Variants in RFX7 observed in about 807,000 individuals in gnomAD.
RFX7 encodes DNA-binding protein RFX7.
Under a neutral mutation model 111.8 loss-of-function variants are expected in RFX7, and 26 were observed. The observed-to-expected ratio is 0.23, with a 90% CI of 0.17 to 0.32. The LOEUF is 0.32. RFX7 is among the 10% of genes least tolerant of loss of function. The pLI is 1.00. For missense variants in RFX7, 1,573 were observed against 1,772.9 expected, an observed-to-expected ratio of 0.89 and a Z score of 2.02; for synonymous variants, 624 against 624.4, an observed-to-expected ratio of 1.00 and a Z score of 0.01.
intron 2 of RFX7, among the ~76,000 whole-genome samples, chr15:56,232,016 T>C (rs1480181929): frequency 2.0e-5 from 3 of 152,216 alleles, no homozygotes; most frequent in African/African-American, 4.8e-5. Context: ...CTTGAGCGGC[T>C]CCGCCCCTGT....
chr15:56,177,083 T>A (rs746273168), intron 3 of RFX7, among the ~76,000 whole-genome samples: 1 of 152,144 alleles, frequency 6.6e-6, no homozygotes, highest in Non-Finnish European at 1.5e-5. Flanking sequence ...TCTACTTCCT[T>A]CCGTAAGTTC....
In RFX7 at chr15:56,091,283, A is replaced by G. The variant is rs2041592875; in HGVS notation, c.*2062T>C. 6.6e-6 allele frequency: 1 copy of G among 152,570 alleles called. No individual in the cohort carries two copies. Among genetic ancestry groups the G allele is most frequent in the South Asian group, 2.1e-4 (1 of 4,830 alleles). 9.5% of individuals were successfully genotyped at this position (152,570 alleles called of 1,614,324 possible). A position where few individuals can be genotyped will look rare whatever the true frequency, so the allele number is the denominator to read the frequency against. On this transcript the variant is annotated 3_prime_UTR_variant, in exon 10 of 10. Transcript: ENST00000559447. ...GTCTTTTCATAATGAAACACATTTAAAAAGTTTAATCTGTGGACTGTATTG... is the reference window on the plus strand; with the variant it reads ...GTCTTTTCATAATGAAACACATTTAGAAAGTTTAATCTGTGGACTGTATTG...
At chr15:56,194,062 G>C (rs1387708940) in intron 2 of RFX7, among the ~76,000 whole-genome samples, 3 of 152,014 alleles carry the variant, frequency 2.0e-5, no homozygotes, top group African/African-American at 7.2e-5. Context: ...ATCACAGAAA[G>C]AACATTTAGA....
At chr15:56,244,313 A>G (rs888663926), upstream of RFX7, 2 of 152,300 alleles carry the variant, frequency 1.3e-5, no homozygotes, top group Non-Finnish European at 2.9e-5. Context: ...GAAGCCCCCA[A>G]AGAAGAACAC....
At chr15:56,241,637 A>C (rs575186427) in intron 2 of RFX7, among the ~76,000 whole-genome samples, 12 of 152,262 alleles carry the variant, frequency 7.9e-5, no homozygotes, top group Admixed American at 7.8e-4. Context: ...GATGGCAAGC[A>C]AGATATTCAC....
At chr15:56,112,699 A>T (rs940581057) in intron 5 of RFX7, among the ~76,000 whole-genome samples, 5 of 152,206 alleles carry the variant, frequency 3.3e-5, no homozygotes, top group Admixed American at 3.3e-4. Flanking sequence ...AGAAACTATC[A>T]TCAGAGCGAA....
intron 5 of RFX7, among the ~76,000 whole-genome samples, chr15:56,106,332 G>T (rs1421293032): frequency 6.6e-6 from 1 of 152,174 alleles, no homozygotes; most frequent in Non-Finnish European, 1.5e-5. Context: ...AATATTAAAA[G>T]TACTTTGTAG....
chr15:56,230,034 T>C (rs1462089410), intron 2 of RFX7, among the ~76,000 whole-genome samples: 14 of 152,162 alleles, frequency 9.2e-5, no homozygotes, highest in Admixed American at 9.2e-4. Flanking sequence ...GCTTTGGCCA[T>C]AACTCAAACA....
rs1476799276 is a variant in RFX7, at chr15:56,087,956, T to C, written c.*5389A>G. On this transcript the variant is annotated 3_prime_UTR_variant, in exon 10 of 10. Transcript: ENST00000559447. ...CTGTGTGGAAAACAAAATTTTGTTT[T>C]TAAATCTTCATTCTCCTAATACATC... The C allele has an allele frequency of 2.8e-6, 1 of 357,596 alleles. No homozygotes were observed. Among genetic ancestry groups the C allele is most frequent in the East Asian group, 8.7e-5 (1 of 11,442 alleles). 22.2% of individuals were successfully genotyped at this position (357,596 alleles called of 1,614,324 possible). A position where few individuals can be genotyped will look rare whatever the true frequency, so the allele number is the denominator to read the frequency against.
chr15:56,233,982 G>A (rs1181659245), intron 2 of RFX7, among the ~76,000 whole-genome samples: 1 of 152,126 alleles, frequency 6.6e-6, no homozygotes, highest in Non-Finnish European at 1.5e-5. Context: ...AAAGCTCACT[G>A]TCATCATAAC....
At chr15:56,144,377 T>C (rs780802544) in intron 4 of RFX7, 24 bp downstream of exon 4, 13 of 1,278,684 alleles carry the variant, frequency 1.0e-5, no homozygotes, top group Middle Eastern at 2.2e-4. Flanking sequence ...AGCATAATTA[T>C]AGCAAAGACA....
intron 2 of RFX7, among the ~76,000 whole-genome samples, chr15:56,206,207 G>T (rs1282646967): frequency 6.7e-6 from 1 of 149,798 alleles, no homozygotes; most frequent in African/African-American, 2.5e-5. Context: ...TGGATAAATG[G>T]ACAAAAAAAA....
rs2042421629 is a variant in RFX7 at position 56,142,958 on chromosome 15, A to G, written c.279-58T>C. Reference sequence around the variant, plus strand: ...GACAGCAATTCATTAACGATTTTTGAGCTAGGCCTAAATGTTCCACTAAAG... The same window carrying G: ...GACAGCAATTCATTAACGATTTTTGGGCTAGGCCTAAATGTTCCACTAAAG... On this transcript the variant is annotated intron_variant, in intron 4 of 9. Coordinates refer to ENST00000559447, the MANE Select transcript of RFX7 (RefSeq NM_022841.7). 3.3e-5 allele frequency: 52 copies of G among 1,587,312 alleles called. 1 individual carries two copies. In the South Asian group the frequency reaches 5.5e-4, roughly 17 times the overall value.
chr15:56,129,353 T>C (rs1375784550), intron 5 of RFX7, among the ~76,000 whole-genome samples: 1 of 148,494 alleles, frequency 6.7e-6, no homozygotes, highest in Admixed American at 6.8e-5. Flanking sequence ...CCAGCCTAGG[T>C]GACAAGAGTG....
At chr15:56,147,295 T>C (rs143277412) in intron 3 of RFX7, among the ~76,000 whole-genome samples, 170 of 152,308 alleles carry the variant, frequency 1.1e-3, no homozygotes, top group African/African-American at 4.0e-3. Flanking sequence ...TGCTACAACA[T>C]GGATGAACCT....
intron 5 of RFX7, among the ~76,000 whole-genome samples, chr15:56,114,749 C>G (rs988116866): frequency 3.3e-5 from 5 of 152,130 alleles, no homozygotes. Context: ...CCAGGACTTG[C>G]CTTTCCTTTC....
chr15:56,094,906 T>C lies in RFX7; in HGVS notation c.2822A>G (p.Asn941Ser), dbSNP rs575193564. Residue 941 changes from asparagine (N) to serine (S), a missense_variant, in exon 10 of 10, where the codon AAT becomes AGT. Asn to Ser is a conservative substitution (Grantham distance 46). Coordinates refer to ENST00000559447, the MANE Select transcript of RFX7 (RefSeq NM_022841.7). ...STHFYHPIHSNGTPIHTPTPT... is the reference protein window; with the variant it reads ...STHFYHPIHSSGTPIHTPTPT... The stretch of plus-strand genomic sequence containing the variant: ...TGTGGGTGTGTGGATTGGAGTGCCA[T>C]TGCTGTGGATTGGATGATAGAAGTG... The C allele has an allele frequency of 7.0e-6, 11 of 1,575,676 alleles. No individual in the cohort carries two copies. Among genetic ancestry groups the C allele is most frequent in the Non-Finnish European group, 9.5e-6 (11 of 1,160,574 alleles).
At chr15:56,114,576 G>GA (rs1452117522) in intron 5 of RFX7, among the ~76,000 whole-genome samples, 4 of 151,986 alleles carry the variant, frequency 2.6e-5, no homozygotes, top group African/African-American at 4.8e-5. Context: ...CTTAGACTAG[G>GA]ATCATACTAA....
chr15:56,167,623 T>A (rs1047889987), intron 3 of RFX7, among the ~76,000 whole-genome samples: 3 of 152,324 alleles, frequency 2.0e-5, no homozygotes, highest in Admixed American at 6.5e-5. Context: ...AAAAATTACA[T>A]TTTCACTGCA....
Sources: gnomAD v4.1 joint callset for allele counts (sites outside exome capture counted in the v4.1 genomes callset) on GRCh38, gnomAD v4.1.1 for gene constraint, MANE v1.5 for transcripts, NCBI Gene and HGNC (gene_info 2026-07-23, HGNC 2026-07-21) for gene names.